Variants in ERBB3 observed in about 807,000 individuals in gnomAD.
ERBB3 encodes erb-b2 receptor tyrosine kinase 3.
A neutral mutation model predicts 156.7 loss-of-function variants in ERBB3; 96 were observed. The observed-to-expected ratio is 0.61, with a 90% CI of 0.52 to 0.73. ERBB3 has a LOEUF of 0.73. ERBB3 is among the 30% of genes least tolerant of loss of function. The probability of loss-of-function intolerance (pLI) is 0.00; values close to 1 mark genes in which losing one functional copy is unlikely to be tolerated. For missense variants in ERBB3, 1,406 were observed against 1,709.4 expected, an observed-to-expected ratio of 0.82 and a Z score of 3.13; for synonymous variants, 567 against 632.0, an observed-to-expected ratio of 0.90 and a Z score of 1.54.
At chr12:56,091,302 T>TATA (rs1868687139) in intron 9 of ERBB3, among the ~76,000 whole-genome samples, 1 of 85,786 alleles carries the variant, frequency 1.2e-5, no homozygotes, top group African/African-American at 4.7e-5. Context: ...ATATAAATAA[T>TATA]ATATATAAAT....
At chr12:56,099,432 C>A (rs1188423574) in intron 23 of ERBB3, among the ~76,000 whole-genome samples, 1 of 151,348 alleles carries the variant, frequency 6.6e-6, no homozygotes, top group Non-Finnish European at 1.5e-5. Context: ...ATAGCTGGGA[C>A]TTTAGGCGTG....
rs2136825999 is a variant in ERBB3 at position 56,099,949 on chromosome 12, G to A, written c.3049G>A (p.Ala1017Thr). 1.9e-6 allele frequency: 3 copies of A among 1,614,238 alleles called. No individual in the cohort carries two copies. Among genetic ancestry groups the A allele is most frequent in the East Asian group, 2.2e-5 (1 of 44,890 alleles). Residue 1017 changes from alanine to threonine, a missense_variant, in exon 25 of 28, where the codon GCA (alanine) becomes ACA (threonine). Coordinates refer to ENST00000267101, the MANE Select transcript of ERBB3 (RefSeq NM_001982.4). The part of the protein sequence containing the change: ...PELDLDLDLE[A>T]EEDNLATTTL... ...ACTAGACCTAGACCTAGACTTGGAAGCAGAGGAGGACAACCTGGCAACCAC... is the reference window on the plus strand; with the variant it reads ...ACTAGACCTAGACCTAGACTTGGAAACAGAGGAGGACAACCTGGCAACCAC...
chr12:56,094,441 G>A lies in ERBB3; in HGVS notation c.1744G>A (p.Gly582Arg). ...TCAQCAHFRD[G>R]PHCVSSCPHG... is the part of the protein sequence containing the mutation. ...TGCTCAATGTGCCCATTTTCGAGAT[G>A]GGCCCCACTGTGTGAGCAGCTGCCC... The change falls in exon 15 of 28, where the codon GGG (glycine) becomes AGG (arginine). Residue 582 changes from glycine (G) to arginine (R), a missense_variant. Coordinates refer to ENST00000267101, the MANE Select transcript of ERBB3 (RefSeq NM_001982.4). The A allele has an allele frequency of 6.2e-7, 1 of 1,614,112 alleles. No homozygotes were observed. Among genetic ancestry groups the A allele is most frequent in the Non-Finnish European group, 8.5e-7 (1 of 1,180,006 alleles).
Position 56,087,637 on chromosome 12 carries a change from A to G in ERBB3, c.608A>G (p.Gln203Arg). The change falls in exon 5 of 28, where the codon CAG (glutamine) becomes CGG (arginine). Residue 203 changes from glutamine to arginine, a missense_variant. By Grantham distance (43) the Gln-to-Arg change is conservative (BLOSUM62 1). Coordinates refer to ENST00000267101, the MANE Select transcript of ERBB3 (RefSeq NM_001982.4). The part of the protein sequence containing the change: ...RCWGPGSEDC[Q>R]TLTKTICAPQ... Reference sequence around the variant, plus strand: ...TGGGGTCCTGGATCAGAAGACTGCCAGACATGTGGGTTTGAAATTCCCTCC... The same window carrying G: ...TGGGGTCCTGGATCAGAAGACTGCCGGACATGTGGGTTTGAAATTCCCTCC... The G allele has an allele frequency of 6.2e-7, 1 of 1,614,096 alleles. No homozygotes were observed. Among genetic ancestry groups the G allele is most frequent in the Non-Finnish European group, 8.5e-7 (1 of 1,179,940 alleles).
Position 56,101,663 on chromosome 12 carries a change from A to T in ERBB3, c.3637A>T (p.Arg1213Trp), listed in dbSNP as rs1228006683. The change falls in exon 28 of 28, where the codon AGG becomes TGG. Residue 1213 changes from arginine to tryptophan, a missense_variant. Transcript: ENST00000267101. ...RRRHSPPHPP[R>W]PSSLEELGYE... ...AAGGCACAGTCCACCTCATCCCCCT[A>T]GGCCAAGTTCCCTTGAGGAGCTGGG... is the stretch of plus-strand genomic sequence containing the variant. 1 of 1,613,948 alleles carries T rather than the reference A, an allele frequency of 6.2e-7. No homozygotes were observed. Among genetic ancestry groups the T allele is most frequent in the East Asian group, 2.2e-5 (1 of 44,882 alleles).
chr12:56,098,537 T>C lies in ERBB3; in HGVS notation c.2654T>C (p.Phe885Ser), dbSNP rs1437489759. 2 of 1,613,852 alleles carry C rather than the reference T, an allele frequency of 1.2e-6. No homozygotes were observed. The highest frequency in any genetic ancestry group is 1.7e-6 in the Non-Finnish European group (2 of 1,179,774). Residue 885 changes from phenylalanine (F) to serine (S), a missense_variant, in exon 22 of 28, where the codon TTT (phenylalanine) becomes TCT (serine). Coordinates refer to ENST00000267101, the MANE Select transcript of ERBB3 (RefSeq NM_001982.4). The stretch of plus-strand genomic sequence containing the variant: ...TGGATGGCCCTTGAGAGTATCCACT[T>C]TGGGAAATACACACACCAGAGTGAT... ...IKWMALESIH[F>S]GKYTHQSDVW...
chr12:56,082,793 C>T (rs1868369290), intron 1 of ERBB3, among the ~76,000 whole-genome samples: 1 of 152,174 alleles, frequency 6.6e-6, no homozygotes, highest in South Asian at 2.1e-4. Context: ...AGTCTAGGCT[C>T]TCCCCTAGTG....
In ERBB3 at chr12:56,095,681, A is replaced by G; in HGVS notation, c.1930A>G (p.Met644Val). ...ATCCCATAGCAAAACCCATCTGACAATGGCTTTGACAGTGATAGCAGGATT... is the reference window on the plus strand; with the variant it reads ...ATCCCATAGCAAAACCCATCTGACAGTGGCTTTGACAGTGATAGCAGGATT... ...LVLIGKTHLTMALTVIAGLVV... is the reference protein window; with the variant it reads ...LVLIGKTHLTVALTVIAGLVV... Residue 644 changes from methionine to valine, a missense_variant, in exon 17 of 28, where the codon ATG (methionine) becomes GTG (valine). Met to Val is a conservative substitution (Grantham distance 21). Coordinates refer to ENST00000267101, the MANE Select transcript of ERBB3 (RefSeq NM_001982.4). 1.9e-6 allele frequency: 3 copies of G among 1,614,190 alleles called. No homozygotes were observed. The highest frequency in any genetic ancestry group is 1.7e-4 in the Middle Eastern group (1 of 6,060).
intron 13 of ERBB3, 70 bp downstream of exon 13, chr12:56,093,966 A>G: frequency 6.2e-7 from 1 of 1,601,558 alleles, no homozygotes. Flanking sequence ...CAGGTGGCAT[A>G]CAATAAAAGT....
chr12:56,097,761 T>A (rs751682254), intron 20 of ERBB3, 24 bp from the exon 21 acceptor site: 1 of 1,610,988 alleles, frequency 6.2e-7, no homozygotes, highest in Non-Finnish European at 8.5e-7. Flanking sequence ...ACCTTAAGAA[T>A]ACTTTCTTCC....
In ERBB3 at chr12:56,085,392, G is replaced by C. The variant is rs1290543985; in HGVS notation, c.421+211G>C. ...TCTGCTCCAGGGAAAGGAACCCTGT[G>C]TCCTTGTGGGGCTGGAGTCAGAGCT... On this transcript the variant is annotated intron_variant, in intron 3 of 27. Coordinates refer to ENST00000267101, the MANE Select transcript of ERBB3 (RefSeq NM_001982.4). The C allele has an allele frequency of 2.8e-6, 4 of 1,444,212 alleles. No homozygotes were observed. The African/African-American group carries it at 5.7e-5, about 21-fold the overall frequency. The allele number at this position is 1,444,212 out of a possible 1,614,324, so 89.5% of individuals were successfully genotyped here.
At chr12:56,101,491 A>C (rs780170030) in intron 27 of ERBB3, 38 bp from the exon 28 acceptor site, 2 of 1,610,018 alleles carry the variant, frequency 1.2e-6, no homozygotes, top group Admixed American at 3.3e-5. Flanking sequence ...ACCCTCATGA[A>C]GTTCTTCACA....
chr12:56,096,713 T>C, intron 18 of ERBB3, 35 bp from the exon 19 acceptor site: 1 of 1,612,678 alleles, frequency 6.2e-7, no homozygotes, highest in Non-Finnish European at 8.5e-7. Flanking sequence ...CTAGGGAGAA[T>C]GACCTTATGC....
At chr12:56,086,396 T>C in intron 3 of ERBB3, 135 bp from the exon 4 acceptor site, 1 of 1,076,526 alleles carries the variant, frequency 9.3e-7, no homozygotes, top group Non-Finnish European at 1.4e-6. Context: ...CTCTGCAGCT[T>C]AGATTTAATT....
chr12:56,095,988 A>G, intron 17 of ERBB3, 182 bp downstream of exon 17: 1 of 679,030 alleles, frequency 1.5e-6, no homozygotes, highest in Middle Eastern at 3.9e-4. Context: ...GTGGTCCCCT[A>G]GAAGAACACT....
chr12:56,097,651 C>A, intron 20 of ERBB3, 134 bp from the exon 21 acceptor site: 1 of 951,650 alleles, frequency 1.1e-6, no homozygotes, highest in Non-Finnish European at 1.7e-6. Context: ...AACTGTCTTC[C>A]ACAAAACCAG....
chr12:56,097,289 A>G lies in ERBB3; in HGVS notation c.2460+59A>G, dbSNP rs915532558. 5 of 1,540,612 alleles carry G rather than the reference A, an allele frequency of 3.2e-6. No individual in the cohort carries two copies. The African/African-American group carries it at 6.8e-5, about 21-fold the overall frequency. On this transcript the variant is annotated intron_variant, in intron 20 of 27. Transcript: ENST00000267101. ...ACTGCTTGTCTGGGGGCCAGCCAGG[A>G]AAAAGTGAGAAGGTTGAAGTTCTGA...
At chr12:56,093,945 A>G (rs1868804973) in intron 13 of ERBB3, 49 bp downstream of exon 13, 4 of 1,610,994 alleles carry the variant, frequency 2.5e-6, no homozygotes, top group African/African-American at 2.7e-5. Flanking sequence ...GGGCCCTGCA[A>G]TGGAACTGTT....
Position 56,101,977 on chromosome 12 carries a change from G to A in ERBB3, c.3951G>A (p.Glu1317=). The change falls in exon 28 of 28, where the codon GAG becomes GAA. Residue 1317 remains glutamate (E), a synonymous_variant. Transcript: ENST00000267101. ...YARLKTLRSL[E]ATDSAFDNPD... ...GCCTAAAAACTCTACGTAGCTTAGA[G>A]GCTACAGACTCTGCCTTTGATAACC... The A allele has an allele frequency of 6.2e-7, 1 of 1,613,820 alleles. No individual in the cohort carries two copies. Among genetic ancestry groups the A allele is most frequent in the African/African-American group, 1.3e-5 (1 of 74,972 alleles).
Sources: gnomAD v4.1 joint callset for allele counts (sites outside exome capture counted in the v4.1 genomes callset) on GRCh38, gnomAD v4.1.1 for gene constraint, MANE v1.5 for transcripts, NCBI Gene and HGNC (gene_info 2026-07-23, HGNC 2026-07-21) for gene names.